Variants in PRKAR1A observed in about 807,000 individuals in gnomAD.
PRKAR1A encodes cAMP-dependent protein kinase type I-alpha regulatory subunit.
PRKAR1A carries 3 observed loss-of-function variants against 52.0 expected under a neutral mutation model. The observed-to-expected ratio is 0.06, with a 90% CI of 0.03 to 0.15. The LOEUF is 0.15. PRKAR1A is among the 10% of genes least tolerant of loss of function. PRKAR1A has a pLI of 1.00. For synonymous variants in PRKAR1A, 188 were observed against 168.4 expected (o/e 1.12, Z -0.90); for missense variants, 240 against 477.4 (o/e 0.50, Z 4.63).
chr17:68,426,254 G>GGGGGGGGGCCCCCCCC, the PRKAR1A span: 1 of 816,916 alleles, frequency 1.2e-6, no homozygotes, highest in East Asian at 3.5e-5. Flanking sequence ...GGGAGCGGGG[G>GGGGGGGGGCCCCCCCC]CTCAAATAAA....
At chr17:68,510,499 T>TA (rs1197386129), upstream of PRKAR1A, among the ~76,000 whole-genome samples, 3 of 152,180 alleles carry the variant, frequency 2.0e-5, no homozygotes, top group Non-Finnish European at 2.9e-5. Flanking sequence ...CCATGGAGAT[T>TA]AAGTCAATTA....
chr17:68,521,458 T>G (rs548465862), intron 2 of PRKAR1A, among the ~76,000 whole-genome samples: 10 of 152,342 alleles, frequency 6.6e-5, no homozygotes, highest in Admixed American at 1.3e-4. Flanking sequence ...CTCGAACTCC[T>G]GGACTCAAGT....
intron 3 of PRKAR1A, among the ~76,000 whole-genome samples, chr17:68,523,464 G>T (rs1017907928): frequency 2.0e-5 from 3 of 152,142 alleles, no homozygotes; most frequent in Non-Finnish European, 4.4e-5. Context: ...CAGGTGTTTT[G>T]ATTTGTTTCT....
At chr17:68,514,311 A>T (rs1023529829) in intron 1 of PRKAR1A, among the ~76,000 whole-genome samples, 22 of 152,224 alleles carry the variant, frequency 1.4e-4, no homozygotes, top group African/African-American at 5.1e-4. Context: ...ATAGTTTACA[A>T]TGCATTATAA....
At chr17:68,455,576 C>T in the PRKAR1A span, among the ~76,000 whole-genome samples, 1 of 152,026 alleles carries the variant, frequency 6.6e-6, no homozygotes, top group Non-Finnish European at 1.5e-5. Context: ...AATGTCATAC[C>T]CTCTGTGGCT....
At chr17:68,476,056 A>C in the PRKAR1A span, among the ~76,000 whole-genome samples, 1 of 152,060 alleles carries the variant, frequency 6.6e-6, no homozygotes, top group East Asian at 1.9e-4. Context: ...AATTTTGGCA[A>C]TTGCCCTATA....
chr17:68,530,840 A>C lies in PRKAR1A; in HGVS notation c.*391A>C, dbSNP rs1217066030. ...TAATTGTCCAGTTATAAGCGTATTT[A>C]GACTGTGGCCATATATGCTGTATTT... is the stretch of plus-strand genomic sequence containing the variant. On this transcript the variant is annotated 3_prime_UTR_variant, in exon 11 of 11. Transcript: ENST00000589228. 1.2e-5 allele frequency: 15 copies of C among 1,213,670 alleles called. No individual in the cohort carries two copies. Among genetic ancestry groups the C allele is most frequent in the Non-Finnish European group, 1.3e-5 (13 of 965,054 alleles). 75.2% of individuals were successfully genotyped at this position (1,213,670 alleles called of 1,614,324 possible).
At chr17:68,484,200 T>C in the PRKAR1A span, among the ~76,000 whole-genome samples, 31 of 152,246 alleles carry the variant, frequency 2.0e-4, no homozygotes, top group African/African-American at 6.3e-4. Flanking sequence ...CAATACTGAC[T>C]GTTTTGGCAC....
At chr17:68,498,289 C>A in the PRKAR1A span, among the ~76,000 whole-genome samples, 1 of 152,194 alleles carries the variant, frequency 6.6e-6, no homozygotes, top group African/African-American at 2.4e-5. Flanking sequence ...AACCACACAG[C>A]TTGAATATTT....
chr17:68,492,096 C>T, the PRKAR1A span, among the ~76,000 whole-genome samples: 2 of 152,206 alleles, frequency 1.3e-5, no homozygotes, highest in African/African-American at 2.4e-5. Flanking sequence ...GCCGCAGGCA[C>T]ATGAATAACA....
the PRKAR1A span, chr17:68,428,943 GC>G: frequency 6.2e-7 from 1 of 1,608,670 alleles, no homozygotes; most frequent in South Asian, 1.1e-5. Context: ...GATCCTAAGG[GC>G]CAAGGAAAAC....
intron 7 of PRKAR1A, among the ~76,000 whole-genome samples, chr17:68,526,756 G>T (rs2085804259): frequency 6.6e-6 from 1 of 152,104 alleles, no homozygotes; most frequent in African/African-American, 2.4e-5. Context: ...ACAAACACTG[G>T]GGCCTACTTG....
chr17:68,420,620 C>G, the PRKAR1A span: 1 of 864,290 alleles, frequency 1.2e-6, no homozygotes, highest in South Asian at 1.7e-5. Context: ...TCCTGTCCCT[C>G]CTCCACGCCG....
the PRKAR1A span, chr17:68,433,407 G>T: frequency 7.0e-7 from 1 of 1,425,090 alleles, no homozygotes; most frequent in Non-Finnish European, 9.9e-7. Flanking sequence ...CATGCCAGTA[G>T]AAGAGCCTAG....
the PRKAR1A span, among the ~76,000 whole-genome samples, chr17:68,465,016 C>T: frequency 6.6e-6 from 1 of 151,336 alleles, no homozygotes; most frequent in African/African-American, 2.4e-5. Flanking sequence ...AGCTCCACCT[C>T]CCAGGTTCAC....
In PRKAR1A at chr17:68,531,713, C is replaced by G; in HGVS notation, c.*1264C>G. On this transcript the variant is annotated 3_prime_UTR_variant, in exon 11 of 11. Transcript: ENST00000589228. Reference sequence around the variant, plus strand: ...TTATTTCTCTGGCAAACTTTTCTTTCTTTTCTTTTTTAAAGTAAACTTGTG... The same window carrying G: ...TTATTTCTCTGGCAAACTTTTCTTTGTTTTCTTTTTTAAAGTAAACTTGTG... 9.4e-7 allele frequency: 1 copy of G among 1,062,464 alleles called. No individual in the cohort carries two copies. The highest frequency in any genetic ancestry group is 1.6e-5 in the African/African-American group (1 of 61,058). The allele number at this position is 1,062,464 out of a possible 1,614,324, so 65.8% of individuals were successfully genotyped here.
At chr17:68,540,585 C>G (rs2086241730) in intron 11 of PRKAR1A, 1 of 565,392 alleles carries the variant, frequency 1.8e-6, no homozygotes, top group Non-Finnish European at 3.3e-6. Flanking sequence ...CATACAGCTT[C>G]CAATCTGACG....
intron 4 of PRKAR1A, 72 bp downstream of exon 4, chr17:68,523,888 T>A (rs2085696891): frequency 1.3e-6 from 2 of 1,583,914 alleles, no homozygotes; most frequent in Non-Finnish European, 1.7e-6. Context: ...CAACACTTGT[T>A]GCAAGTTTTA....
chr17:68,437,005 A>AAAAAAATATATAT, the PRKAR1A span, among the ~76,000 whole-genome samples: 1 of 107,192 alleles, frequency 9.3e-6, no homozygotes, highest in African/African-American at 3.6e-5. Context: ...AAAAAAAAAA[A>AAAAAAATATATAT]ATATATATAT....
Sources: allele counts gnomAD v4.1 joint callset (sites outside exome capture counted in the v4.1 genomes callset), GRCh38; gene constraint gnomAD v4.1.1; transcripts MANE v1.5; gene names NCBI Gene and HGNC (gene_info 2026-07-23, HGNC 2026-07-21).